Variants in RGL1 observed in about 807,000 individuals in gnomAD.
RGL1 encodes the protein ral guanine nucleotide dissociation stimulator-like 1.
Under a neutral mutation model 95.2 loss-of-function variants are expected in RGL1, and 24 were observed. The ratio of observed to expected loss-of-function variants is 0.25; its 90% CI spans 0.18 to 0.35. The LOEUF is 0.35. RGL1 is among the 10% of genes least tolerant of loss of function. RGL1 has a pLI of 1.00. For synonymous variants in RGL1, 329 were observed against 344.9 expected, an observed-to-expected ratio of 0.95 and a Z score of 0.51; for missense variants, 715 against 936.3, an observed-to-expected ratio of 0.76 and a Z score of 3.08.
chr1:183,797,244 G>A (rs995838426), intron 2 of RGL1, among the ~76,000 whole-genome samples: 3 of 152,112 alleles, frequency 2.0e-5, no homozygotes, highest in African/African-American at 7.2e-5. Flanking sequence ...CAGGAGAATC[G>A]CTTGAACCCA....
At chr1:183,667,218 A>G (rs1448554597) in intron 1 of RGL1, among the ~76,000 whole-genome samples, 1 of 152,080 alleles carries the variant, frequency 6.6e-6, no homozygotes, top group East Asian at 1.9e-4. Context: ...GTGCCTTTAT[A>G]TTTAAAGTGG....
chr1:183,731,239 A>C (rs571523573), intron 1 of RGL1, among the ~76,000 whole-genome samples: 1 of 152,204 alleles, frequency 6.6e-6, no homozygotes, highest in Admixed American at 6.5e-5. Flanking sequence ...AAAAATAACT[A>C]GACTTACAGG....
chr1:183,700,213 T>C (rs977523441), intron 1 of RGL1, among the ~76,000 whole-genome samples: 4 of 152,182 alleles, frequency 2.6e-5, no homozygotes, highest in African/African-American at 9.7e-5. Context: ...ACTTCAATTA[T>C]GATGAGTGGT....
intron 3 of RGL1, 71 bp from the exon 4 acceptor site, chr1:183,865,925 T>C (rs1665801979): frequency 1.0e-6 from 1 of 983,916 alleles, no homozygotes; most frequent in African/African-American, 1.6e-5. Flanking sequence ...ACTTTGTAGT[T>C]GAAGTTGAAT....
chr1:183,917,271 G>A (rs751597959), intron 16 of RGL1, among the ~76,000 whole-genome samples: 19 of 152,186 alleles, frequency 1.2e-4, no homozygotes, highest in Non-Finnish European at 2.5e-4. Context: ...TGAGCTTCTT[G>A]TAAAATCTGT....
chr1:183,829,870 A>G (rs1161490550), intron 2 of RGL1, among the ~76,000 whole-genome samples: 5 of 151,944 alleles, frequency 3.3e-5, no homozygotes, highest in African/African-American at 1.2e-4. Context: ...CGTGAAATTT[A>G]TCTTATATCT....
At chr1:183,770,831 A>G (rs1022990134) in intron 2 of RGL1, among the ~76,000 whole-genome samples, 15 of 152,158 alleles carry the variant, frequency 9.9e-5, no homozygotes, top group African/African-American at 3.4e-4. Flanking sequence ...AACTTTTTCA[A>G]ATTTTAAGCC....
intron 2 of RGL1, among the ~76,000 whole-genome samples, chr1:183,794,055 GACACAC>G (rs147087444): frequency 0.14 from 20,536 of 145,894 alleles, 1,860 homozygotes; most frequent in African/African-American, 0.27. Context: ...AGAAAATGTG[GACACAC>G]ACACACACAC....
At chr1:183,802,612 A>AAAC (rs1553285558), upstream of RGL1, among the ~76,000 whole-genome samples, 6 of 151,578 alleles carry the variant, frequency 4.0e-5, no homozygotes, top group Non-Finnish European at 7.4e-5. Context: ...AAAAAAAAAA[A>AAAC]AAAAAAAAAC....
intron 2 of RGL1, among the ~76,000 whole-genome samples, chr1:183,820,966 C>G (rs1662443318): frequency 6.6e-6 from 1 of 151,908 alleles, no homozygotes; most frequent in Non-Finnish European, 1.5e-5. Flanking sequence ...AACCCCGTCT[C>G]TACTAAAACT....
At chr1:183,779,160 CT>C (rs1193572142) in intron 2 of RGL1, among the ~76,000 whole-genome samples, 3 of 24,746 alleles carry the variant, frequency 1.2e-4, no homozygotes, top group African/African-American at 2.5e-4. Flanking sequence ...AAAATTTTCC[CT>C]TCCTTCCTTC....
intron 1 of RGL1, chr1:183,647,546 A>G: frequency 7.3e-7 from 1 of 1,376,748 alleles, no homozygotes; most frequent in Non-Finnish European, 9.6e-7. Context: ...ATGGTAAATA[A>G]TTCAAGGTTT....
At chr1:183,879,735 A>G (rs1666717310) in intron 4 of RGL1, among the ~76,000 whole-genome samples, 1 of 152,232 alleles carries the variant, frequency 6.6e-6, no homozygotes, top group South Asian at 2.1e-4. Flanking sequence ...TTCTTTGAAG[A>G]TGAAGCATAG....
intron 13 of RGL1, among the ~76,000 whole-genome samples, chr1:183,906,277 C>T (rs929291930): frequency 3.9e-5 from 6 of 152,194 alleles, no homozygotes; most frequent in African/African-American, 9.7e-5. Flanking sequence ...CTACTGTCTA[C>T]AGCTACAAGC....
At chr1:183,713,026 T>C (rs1655378339) in intron 1 of RGL1, among the ~76,000 whole-genome samples, 1 of 151,928 alleles carries the variant, frequency 6.6e-6, no homozygotes, top group South Asian at 2.1e-4. Context: ...GGATGGAGGA[T>C]TTTTTTTGTT....
In RGL1 at chr1:183,884,054, T is replaced by G. The variant is rs1321965537; in HGVS notation, c.735+144T>G. The G allele has an allele frequency of 6.1e-6, 5 of 815,484 alleles. No homozygotes were observed. In the East Asian group the frequency reaches 1.2e-4, roughly 20 times the overall value. 50.5% of individuals were successfully genotyped at this position (815,484 alleles called of 1,614,324 possible). ...ACAGGCTGCGCCTGCAGATACAGAG[T>G]TAAGATGTGTCTTGAATCAATCATC... On this transcript the variant is annotated intron_variant, in intron 6 of 17. Coordinates refer to ENST00000360851, the MANE Select transcript of RGL1 (RefSeq NM_001297671.3).
intron 2 of RGL1, among the ~76,000 whole-genome samples, chr1:183,768,892 A>C (rs1238843518): frequency 6.6e-6 from 1 of 152,220 alleles, no homozygotes; most frequent in Non-Finnish European, 1.5e-5. Context: ...GGAAGCAAGA[A>C]TCCTGAACTG....
intron 1 of RGL1, among the ~76,000 whole-genome samples, chr1:183,670,999 A>C (rs986028876): frequency 6.6e-6 from 1 of 152,104 alleles, no homozygotes; most frequent in Non-Finnish European, 1.5e-5. Flanking sequence ...GGCTGGGGAG[A>C]CTTCAGGAAA....
intron 2 of RGL1, among the ~76,000 whole-genome samples, chr1:183,780,128 G>A (rs569986477): frequency 1.3e-5 from 2 of 152,306 alleles, no homozygotes; most frequent in East Asian, 3.9e-4. Flanking sequence ...CATTCTTAAT[G>A]TGCTGGGTGA....
Sources: allele counts gnomAD v4.1 joint callset (sites outside exome capture counted in the v4.1 genomes callset), GRCh38; gene constraint gnomAD v4.1.1; transcripts MANE v1.5; gene names NCBI Gene and HGNC (gene_info 2026-07-23, HGNC 2026-07-21).